Variants in BTBD8 observed in about 807,000 individuals in gnomAD.
BTBD8 encodes the protein BTB domain containing 8.
A neutral mutation model predicts 162.9 loss-of-function variants in BTBD8; 110 were observed. That is an observed-to-expected ratio of 0.68 (90% CI 0.58 to 0.79). The LOEUF is 0.79. BTBD8 is among the 30% of genes least tolerant of loss of function. BTBD8 has a pLI of 0.00. For missense variants in BTBD8, 1,905 were observed against 2,085.4 expected (o/e 0.91, Z 1.68); for synonymous variants, 667 against 716.1 (o/e 0.93, Z 1.10).
intron 3 of BTBD8, among the ~76,000 whole-genome samples, chr1:92,105,259 A>G (rs1334866739): frequency 6.7e-6 from 1 of 149,510 alleles, no homozygotes; most frequent in Non-Finnish European, 1.5e-5. Flanking sequence ...TTAAATTTTT[A>G]TTGTTTTTAA....
At chr1:92,121,248 G>A (rs1557446914) in intron 4 of BTBD8, among the ~76,000 whole-genome samples, 1 of 152,128 alleles carries the variant, frequency 6.6e-6, no homozygotes, top group African/African-American at 2.4e-5. Flanking sequence ...TGGTTGTGAT[G>A]TTTTATTCAT....
chr1:92,115,528 C>T (rs1198452201), intron 4 of BTBD8: 5 of 405,388 alleles, frequency 1.2e-5, no homozygotes, highest in African/African-American at 4.2e-5. Flanking sequence ...ATAACATAAT[C>T]AGCACCAGCG....
chr1:92,164,412 G>A lies in BTBD8; in HGVS notation c.1123-2546G>A, dbSNP rs373614503. ...GCGGGTGGATCACTTGAAGCCAGGA[G>A]TTTCAGACCAACCTGACCAACATGG... On this transcript the variant is annotated intron_variant, in intron 9 of 17. Coordinates refer to ENST00000636805, the MANE Select transcript of BTBD8 (RefSeq NM_001376131.1). Among the ~76,000 whole-genome samples the A allele has an allele frequency of 5.7e-4, 87 of 152,174 alleles. 1 individual carries two copies. The highest frequency in any genetic ancestry group is 2.0e-3 in the African/African-American group (83 of 41,536).
intron 2 of BTBD8, among the ~76,000 whole-genome samples, chr1:92,090,599 C>G (rs1358373659): frequency 2.0e-5 from 3 of 152,154 alleles, no homozygotes; most frequent in African/African-American, 2.4e-5. Context: ...TTTTCACTTT[C>G]ACGATGGTAT....
intron 13 of BTBD8, among the ~76,000 whole-genome samples, chr1:92,174,443 C>T (rs1650644537): frequency 6.6e-6 from 1 of 151,984 alleles, no homozygotes; most frequent in Non-Finnish European, 1.5e-5. Context: ...CGCACCTGGC[C>T]TATTGTGAAA....
intron 5 of BTBD8, among the ~76,000 whole-genome samples, chr1:92,131,036 T>A (rs917801393): frequency 6.6e-6 from 1 of 152,142 alleles, no homozygotes; most frequent in African/African-American, 2.4e-5. Flanking sequence ...AATATAACAC[T>A]TTTAGGAAGG....
chr1:92,174,521 C>T (rs944361417), intron 13 of BTBD8, among the ~76,000 whole-genome samples: 4 of 152,024 alleles, frequency 2.6e-5, no homozygotes, highest in Non-Finnish European at 4.4e-5. Flanking sequence ...CTTCAAGATG[C>T]ATAAATTCAA....
In BTBD8 at chr1:92,080,710, G is replaced by A. The variant is rs1447047845; in HGVS notation, c.139G>A (p.Asp47Asn). The change falls in exon 1 of 18, where the codon GAT (aspartate) becomes AAT (asparagine). Residue 47 changes from aspartate to asparagine, a missense_variant. Physicochemically the swap from Asp to Asn is conservative, Grantham distance 23. Transcript: ENST00000636805. ...GACGGTGTCGGAGCAGCTCAGCCAG[G>A]ATTTGCTCAGGTAGGAGGAGGCGGG... ...KATVSEQLSQDLLRLLREEFH... is the reference protein window; with the variant it reads ...KATVSEQLSQNLLRLLREEFH... 2 of 1,610,586 alleles carry A rather than the reference G, an allele frequency of 1.2e-6. No homozygotes were observed. Among genetic ancestry groups the A allele is most frequent in the Non-Finnish European group, 8.5e-7 (1 of 1,178,776 alleles).
chr1:92,180,273 G>A lies in BTBD8; in HGVS notation c.2590G>A (p.Gly864Arg), dbSNP rs982427400. The change falls in exon 17 of 18, where the codon GGA becomes AGA. Residue 864 changes from glycine (G) to arginine (R), a missense_variant. This residue lies in a region of BTBD8 where 1,374 missense variants were observed against 1,442.7 expected (regional missense o/e 0.95). Transcript: ENST00000636805. Reference sequence around the variant, plus strand: ...CCTCTTACTTTTCTTAGGATCCCAAGGAGAGTCACCAAACTCAGTAAAATC... The same window carrying A: ...CCTCTTACTTTTCTTAGGATCCCAAAGAGAGTCACCAAACTCAGTAAAATC... The part of the protein sequence containing the change: ...SNLTKTQGSQ[G>R]ESPNSVKSSV... The A allele has an allele frequency of 7.8e-6, 12 of 1,539,626 alleles. No individual in the cohort carries two copies. Among genetic ancestry groups the A allele is most frequent in the Non-Finnish European group, 9.6e-6 (11 of 1,142,968 alleles).
chr1:92,137,632 ATTTCC>A (rs1176515412), intron 5 of BTBD8, among the ~76,000 whole-genome samples: 1 of 152,156 alleles, frequency 6.6e-6, no homozygotes, highest in African/African-American at 2.4e-5. Context: ...GTAAGAAAAT[ATTTCC>A]TTTATTACAG....
Position 92,177,087 on chromosome 1 carries a change from G to A in BTBD8, c.1894G>A (p.Gly632Arg). Reference protein sequence around the residue: ...ELKTGGKNVSGKPKTVTKSKT... With the variant: ...ELKTGGKNVSRKPKTVTKSKT... ...AAAAACTGGGGGAAAAAATGTTTCT[G>A]GAAAGCCCAAAACTGTAACAAAATC... The change falls in exon 14 of 18, where the codon GGA (glycine) becomes AGA (arginine). Residue 632 changes from glycine to arginine, a missense_variant. Physicochemically the swap from Gly to Arg is moderately radical, Grantham distance 125. Transcript: ENST00000636805. The A allele has an allele frequency of 6.4e-7, 1 of 1,551,566 alleles. No individual in the cohort carries two copies. Among genetic ancestry groups the A allele is most frequent in the Non-Finnish European group, 8.7e-7 (1 of 1,146,960 alleles).
In BTBD8 at chr1:92,088,793, A is replaced by G. The variant is rs1648224485; in HGVS notation, c.245A>G (p.Asp82Gly). 5 of 1,613,090 alleles carry G rather than the reference A, an allele frequency of 3.1e-6. No individual in the cohort carries two copies. The highest frequency in any genetic ancestry group is 4.2e-6 in the Non-Finnish European group (5 of 1,179,492). Reference protein sequence around the residue: ...HKAVLLARVPDFYFHTIGQTS... With the variant: ...HKAVLLARVPGFYFHTIGQTS... ...GCAGTCCTTTTAGCAAGAGTTCCTG[A>G]CTTCTATTTTCATACTATTGGACAG... Residue 82 changes from aspartate (D) to glycine (G), a missense_variant, in exon 2 of 18, where the codon GAC becomes GGC. This residue lies in a region of BTBD8 where 1,374 missense variants were observed against 1,442.7 expected (regional missense o/e 0.95). Coordinates refer to ENST00000636805, the MANE Select transcript of BTBD8 (RefSeq NM_001376131.1).
intron 4 of BTBD8, among the ~76,000 whole-genome samples, chr1:92,128,052 C>G (rs186546237): frequency 6.6e-5 from 10 of 152,088 alleles, no homozygotes; most frequent in Non-Finnish European, 1.2e-4. Flanking sequence ...TGTTTTGAGT[C>G]TGAACTGTAT....
chr1:92,118,576 C>T (rs545201479), intron 4 of BTBD8, among the ~76,000 whole-genome samples: 4 of 152,022 alleles, frequency 2.6e-5, no homozygotes, highest in Non-Finnish European at 5.9e-5. Context: ...AGACTCTGCT[C>T]TCTGGAAGGA....
chr1:92,152,299 A>T (rs1650063544), intron 9 of BTBD8, among the ~76,000 whole-genome samples: 1 of 152,192 alleles, frequency 6.6e-6, no homozygotes, highest in Non-Finnish European at 1.5e-5. Flanking sequence ...TTACATGTCA[A>T]ATCTTTACCA....
At chr1:92,150,762 T>G (rs61737199) in intron 9 of BTBD8, 2,148 of 152,244 alleles carry the variant, frequency 0.014, 59 homozygotes, top group African/African-American at 0.047. Context: ...TGCACATCTT[T>G]GGGATGTGGG....
intron 3 of BTBD8, among the ~76,000 whole-genome samples, chr1:92,105,089 C>T (rs192974932): frequency 3.9e-5 from 6 of 152,128 alleles, no homozygotes; most frequent in African/African-American, 7.2e-5. Flanking sequence ...CCTGCCACCA[C>T]GCCTGGCTAA....
At position 92,175,477 on chromosome 1, in the gene BTBD8, CAAAAAAAAA is replaced by C. The variant is rs71091265; in HGVS notation, c.1636-1338_1636-1330del. Among the ~76,000 whole-genome samples the C allele has an allele frequency of 2.7e-4, 10 of 37,456 alleles. No homozygotes were observed. The South Asian group carries it at 6.6e-3, about 25-fold the overall frequency. The allele number at this position is 37,456 out of a possible 152,430, so 24.6% of individuals were successfully genotyped here. ...CTGGCAACAGAGCAAGACTCCATCTCAAAAAAAAAAAAAAAAAAAAAAGAATGACAATAT... is the reference window on the plus strand; with the variant it reads ...CTGGCAACAGAGCAAGACTCCATCTCAAAAAAAAAAAAAGAATGACAATAT... On this transcript the variant is annotated intron_variant, in intron 13 of 17. Transcript: ENST00000636805.
Position 92,180,667 on chromosome 1 carries a change from C to G in BTBD8, c.2984C>G (p.Ala995Gly). ...CCTCACAAACCTCTCATTAATCTTG[C>G]ATCTGAAATAAGTGATGCAGAAGCA... ...QKPHKPLINL[A>G]SEISDAEALQ... The change falls in exon 17 of 18, where the codon GCA (alanine) becomes GGA (glycine). Residue 995 changes from alanine to glycine, a missense_variant. By Grantham distance (60) the Ala-to-Gly change is moderately conservative. This residue lies in a region of BTBD8 where 1,374 missense variants were observed against 1,442.7 expected (regional missense o/e 0.95). Coordinates refer to ENST00000636805, the MANE Select transcript of BTBD8 (RefSeq NM_001376131.1). 6.4e-7 allele frequency: 1 copy of G among 1,551,302 alleles called. No individual in the cohort carries two copies. The highest frequency in any genetic ancestry group is 2.4e-5 in the East Asian group (1 of 40,902).
Sources: allele counts gnomAD v4.1 joint callset (sites outside exome capture counted in the v4.1 genomes callset), GRCh38; gene constraint gnomAD v4.1.1; regional missense constraint gnomAD v4.1.1; transcripts MANE v1.5; gene names NCBI Gene and HGNC (gene_info 2026-07-23, HGNC 2026-07-21).